Variants in LRR1 observed in about 807,000 individuals in gnomAD.
LRR1 encodes leucine-rich repeat protein 1.
LRR1 carries 29 observed loss-of-function variants against 31.6 expected under a neutral mutation model. The observed-to-expected ratio is 0.92, with a 90% confidence interval of 0.68 to 1.25. LRR1 has a LOEUF of 1.25. Ranked by LOEUF, LRR1 falls within the 50% of genes most tolerant of loss-of-function variation. LRR1 has a pLI of 0.00. For missense variants in LRR1, 485 were observed against 487.2 expected, an observed-to-expected ratio of 1.00 and a Z score of 0.04; for synonymous variants, 179 against 181.4, an observed-to-expected ratio of 0.99 and a Z score of 0.10.
intron 2 of LRR1, among the ~76,000 whole-genome samples, chr14:49,604,262 A>C (rs1180113177): frequency 6.6e-6 from 1 of 151,976 alleles, no homozygotes; most frequent in East Asian, 1.9e-4. Flanking sequence ...CCAAGATTGC[A>C]CCACTGCACT....
chr14:49,599,308 C>A, intron 1 of LRR1, 105 bp downstream of exon 1: 1 of 1,316,640 alleles, frequency 7.6e-7, no homozygotes, highest in Non-Finnish European at 1.0e-6. Flanking sequence ...GGCGAAAGCC[C>A]GCCTTGGGGG....
At chr14:49,609,217 CTTT>C (rs746422046) in intron 3 of LRR1, among the ~76,000 whole-genome samples, 1 of 76,904 alleles carries the variant, frequency 1.3e-5, no homozygotes, top group Non-Finnish European at 2.6e-5. Flanking sequence ...ACACCTGGCC[CTTT>C]TTTTTTTTTT....
intron 3 of LRR1, chr14:49,612,682 T>G (rs1882555789): frequency 4.0e-6 from 4 of 998,640 alleles, no homozygotes; most frequent in African/African-American, 1.7e-5. Context: ...TGACAGGGTT[T>G]TAAACTCTCA....
chr14:49,601,585 T>C lies in LRR1; in HGVS notation c.184-785T>C, dbSNP rs113860742. On this transcript the variant is annotated intron_variant, in intron 1 of 3. Transcript: ENST00000298288. ...AAAGGAGACAAGATTCCTGCTCTCA[T>C]GGAGTTTGTATATAACCTACTGGGA... 1.1e-3 allele frequency: 1,363 copies of C among 1,275,294 alleles called. 19 individuals are homozygous for C. In the African/African-American group the frequency reaches 0.019, roughly 18 times the overall value. The allele number at this position is 1,275,294 out of a possible 1,614,324, so 79.0% of individuals were successfully genotyped here.
intron 3 of LRR1, among the ~76,000 whole-genome samples, chr14:49,611,148 G>A (rs1012227537): frequency 5.9e-5 from 9 of 152,062 alleles, no homozygotes; most frequent in Non-Finnish European, 1.0e-4. Context: ...GTTCTCAGAC[G>A]TTACTTCAAA....
intron 3 of LRR1, chr14:49,612,424 T>G: frequency 8.5e-7 from 1 of 1,171,378 alleles, no homozygotes; most frequent in Non-Finnish European, 1.1e-6. Context: ...TTAAGTTATG[T>G]CAGATAGAAA....
chr14:49,604,106 C>T (rs994094513), intron 2 of LRR1, among the ~76,000 whole-genome samples: 12 of 148,812 alleles, frequency 8.1e-5, no homozygotes, highest in Non-Finnish European at 3.0e-5. Flanking sequence ...AGTTCAAGAC[C>T]AGCCTGGGCA....
In LRR1 at chr14:49,602,394, T is replaced by G; in HGVS notation, c.208T>G (p.Phe70Val). 1.9e-6 allele frequency: 3 copies of G among 1,614,004 alleles called. No homozygotes were observed. Among genetic ancestry groups the G allele is most frequent in the Non-Finnish European group, 2.5e-6 (3 of 1,179,960 alleles). ...YELRENIEQF[F>V]TKFVDEGKAT... is the part of the protein sequence containing the mutation. ...GCTAAGGGAGAACATTGAGCAATTCTTCACCAAATTTGTAGATGAGGGGAA... is the reference window on the plus strand; with the variant it reads ...GCTAAGGGAGAACATTGAGCAATTCGTCACCAAATTTGTAGATGAGGGGAA... Residue 70 changes from phenylalanine to valine, a missense_variant, in exon 2 of 4, where the codon TTC becomes GTC. Around this residue, in one of 3 missense-constraint regions of LRR1, gnomAD observed 260 missense variants for 249.6 expected, o/e 1.04. Coordinates refer to ENST00000298288, the MANE Select transcript of LRR1 (RefSeq NM_152329.4).
chr14:49,609,078 T>TA (rs953285946), intron 3 of LRR1, among the ~76,000 whole-genome samples: 3 of 150,418 alleles, frequency 2.0e-5, no homozygotes, highest in Non-Finnish European at 4.4e-5. Context: ...CACGCCTGGC[T>TA]AATTTTTTTT....
intron 2 of LRR1, chr14:49,603,425 C>A: frequency 4.9e-6 from 1 of 202,420 alleles, no homozygotes; most frequent in Non-Finnish European, 9.3e-6. Flanking sequence ...CCAGCTAAAC[C>A]ACAGGTTACA....
At chr14:49,611,618 AAAAG>A (rs1882515298) in intron 3 of LRR1, among the ~76,000 whole-genome samples, 1 of 151,566 alleles carries the variant, frequency 6.6e-6, no homozygotes, top group African/African-American at 2.4e-5. Flanking sequence ...AGACATACAT[AAAAG>A]AAATTGTAAG....
At chr14:49,600,981 A>C in intron 1 of LRR1, 2 of 1,597,730 alleles carry the variant, frequency 1.3e-6, no homozygotes, top group Non-Finnish European at 1.7e-6. Flanking sequence ...CAGAATCTGC[A>C]CAAAGAAATA....
At chr14:49,600,616 A>C in intron 1 of LRR1, 2 of 1,523,188 alleles carry the variant, frequency 1.3e-6, no homozygotes, top group Non-Finnish European at 1.8e-6. Context: ...TTACGTGAGA[A>C]ACATCTTCAG....
intron 2 of LRR1, among the ~76,000 whole-genome samples, chr14:49,603,250 G>C (rs1566492611): frequency 1.3e-5 from 2 of 152,138 alleles, no homozygotes; most frequent in Non-Finnish European, 1.5e-5. Context: ...TGGCACAAGA[G>C]GCAGCTTCCC....
chr14:49,613,429 C>G (rs1882588345), intron 3 of LRR1, among the ~76,000 whole-genome samples: 1 of 151,572 alleles, frequency 6.6e-6, no homozygotes, highest in African/African-American at 2.4e-5. Context: ...AGCTTGAACC[C>G]TGGAGGTGGA....
chr14:49,600,875 A>G (rs1882028481), intron 1 of LRR1: 4 of 1,241,378 alleles, frequency 3.2e-6, no homozygotes, highest in Middle Eastern at 2.8e-4. Flanking sequence ...TCATAGTTTA[A>G]AAAGCTACAA....
At position 49,607,700 on chromosome 14, in the gene LRR1, A is replaced by G. The variant is rs1346782499; in HGVS notation, c.583A>G (p.Thr195Ala). 3 of 1,610,574 alleles carry G rather than the reference A, an allele frequency of 1.9e-6. No individual in the cohort carries two copies. Among genetic ancestry groups the G allele is most frequent in the South Asian group, 1.1e-5 (1 of 90,672 alleles). ...SHNHIKKLPA[T>A]IGDLIHLQEL... is the part of the protein sequence containing the mutation. ...CAACCATATAAAAAAGCTTCCAGCT[A>G]CAATTGGAGACCTCATACACCTTCA... Residue 195 changes from threonine to alanine, a missense_variant, in exon 3 of 4, where the codon ACA (threonine) becomes GCA (alanine). Physicochemically the swap from Thr to Ala is moderately conservative, Grantham distance 58 (BLOSUM62 0). Coordinates refer to ENST00000298288, the MANE Select transcript of LRR1 (RefSeq NM_152329.4).
chr14:49,608,084 T>G lies in LRR1; in HGVS notation c.967T>G (p.Leu323Val), dbSNP rs769764583. ...AATAAAGCTGCAAGCACCATTAACT[T>G]TATTGGAATCTTCTGCACGAACCAT... The part of the protein sequence containing the change: ...PVIKLQAPLT[L>V]LESSARTILH... Residue 323 changes from leucine to valine, a missense_variant, in exon 3 of 4, where the codon TTA becomes GTA. Leu to Val is a conservative substitution (Grantham distance 32). This residue lies in a region of LRR1 where 210 missense variants were observed against 200.4 expected (regional missense o/e 1.05). Coordinates refer to ENST00000298288, the MANE Select transcript of LRR1 (RefSeq NM_152329.4). The G allele has an allele frequency of 1.3e-6, 2 of 1,599,706 alleles. No individual in the cohort carries two copies. The highest frequency in any genetic ancestry group is 8.5e-7 in the Non-Finnish European group (1 of 1,174,956).
At chr14:49,602,573 C>T (rs866360527) in intron 2 of LRR1, 105 bp downstream of exon 2, 21 of 856,958 alleles carry the variant, frequency 2.5e-5, no homozygotes, top group Middle Eastern at 4.7e-4. Flanking sequence ...GAGGCATAGT[C>T]ATAGCTCACT....
Sources: gnomAD v4.1 joint callset for allele counts (sites outside exome capture counted in the v4.1 genomes callset) on GRCh38, gnomAD v4.1.1 for gene constraint, gnomAD v4.1.1 regional missense constraint, MANE v1.5 for transcripts, NCBI Gene and HGNC (gene_info 2026-07-23, HGNC 2026-07-21) for gene names.